The following ZNF540 variants were observed in gnomAD, a reference collection of about 807,000 sequenced individuals.
ZNF540 encodes CTD-3064H18.6.
ZNF540 carries 3 observed loss-of-function variants against 11.8 expected under a neutral mutation model. The ratio of observed to expected loss-of-function variants is 0.25; its 90% CI spans 0.12 to 0.65. ZNF540 has a LOEUF of 0.65. ZNF540 is among the 30% of genes least tolerant of loss of function. The pLI is 0.83. For missense variants in ZNF540, 709 were observed against 793.1 expected (o/e 0.89, Z 1.27); for synonymous variants, 247 against 259.0 (o/e 0.95, Z 0.45).
In ZNF540 at chr19:37,613,085, C is replaced by A. The variant is rs1057469976; in HGVS notation, c.1805C>A (p.Thr602Asn). 6.2e-7 allele frequency: 1 copy of A among 1,613,948 alleles called. No individual in the cohort carries two copies. Among genetic ancestry groups the A allele is most frequent in the Non-Finnish European group, 8.5e-7 (1 of 1,179,938 alleles). The change falls in exon 5 of 5, where the codon ACT becomes AAT. Residue 602 changes from threonine (T) to asparagine (N), a missense_variant. Thr to Asn is a moderately conservative substitution (Grantham distance 65). Coordinates refer to ENST00000316433, the MANE Select transcript of ZNF540 (RefSeq NM_001172225.3). ...VDLRIHQRIHTGEKPYECKQC... is the reference protein window; with the variant it reads ...VDLRIHQRIHNGEKPYECKQC... Reference sequence around the variant, plus strand: ...CTTAGAATACATCAAAGAATTCATACTGGTGAGAAACCCTATGAGTGTAAA... The same window carrying A: ...CTTAGAATACATCAAAGAATTCATAATGGTGAGAAACCCTATGAGTGTAAA...
chr19:37,563,998 AC>A (rs1446010849), intron 1 of ZNF540: 1 of 152,206 alleles, frequency 6.6e-6, no homozygotes, highest in Non-Finnish European at 1.5e-5. Flanking sequence ...AAACAAAACA[AC>A]AAAAAACAAC....
chr19:37,571,073 A>T (rs1239207238), intron 1 of ZNF540, among the ~76,000 whole-genome samples: 1 of 152,222 alleles, frequency 6.6e-6, no homozygotes, highest in Admixed American at 6.5e-5. Context: ...AGAATCACTC[A>T]TTGTGTATTC....
intron 1 of ZNF540, chr19:37,566,375 A>G: frequency 4.9e-6 from 7 of 1,442,594 alleles, no homozygotes; most frequent in Non-Finnish European, 6.5e-6. Flanking sequence ...AGATGAAAAT[A>G]ATTCTCATTA....
chr19:37,566,153 C>T (rs1476142402), intron 1 of ZNF540: 31 of 1,613,894 alleles, frequency 1.9e-5, no homozygotes, highest in African/African-American at 2.7e-5. Context: ...GTTGCCTTTG[C>T]ACTCCATATT....
intron 4 of ZNF540, among the ~76,000 whole-genome samples, chr19:37,605,392 G>A (rs1204605968): frequency 6.6e-6 from 1 of 152,184 alleles, no homozygotes; most frequent in Non-Finnish European, 1.5e-5. Flanking sequence ...GCTCATGCCT[G>A]TAATCCCAGC....
intron 3 of ZNF540, among the ~76,000 whole-genome samples, chr19:37,600,451 A>G (rs1271384277): frequency 6.6e-6 from 1 of 152,208 alleles, no homozygotes; most frequent in Non-Finnish European, 1.5e-5. Flanking sequence ...AAGAACCTAG[A>G]AATATTTTAG....
At chr19:37,584,298 T>C in intron 1 of ZNF540, 1 of 598,974 alleles carries the variant, frequency 1.7e-6, no homozygotes, top group Admixed American at 3.3e-5. Context: ...AACAATTCCA[T>C]TATCCAGAAA....
chr19:37,552,166 G>A (rs930827668), intron 1 of ZNF540, among the ~76,000 whole-genome samples: 1 of 152,156 alleles, frequency 6.6e-6, no homozygotes, highest in Non-Finnish European at 1.5e-5. Context: ...TTACTTAAAT[G>A]TGTGTTGCTT....
At chr19:37,593,761 G>A (rs2043936143), upstream of ZNF540, among the ~76,000 whole-genome samples, 1 of 152,034 alleles carries the variant, frequency 6.6e-6, no homozygotes, top group African/African-American at 2.4e-5. Context: ...GTATCATTGG[G>A]TGGAAAGGAG....
chr19:37,598,305 A>T, intron 1 of ZNF540, 71 bp from the exon 2 acceptor site: 1 of 759,208 alleles, frequency 1.3e-6, no homozygotes, highest in Non-Finnish European at 2.2e-6. Flanking sequence ...AAAGATTATT[A>T]ATTTATATCA....
Position 37,577,917 on chromosome 19 carries a change from T to A in ZNF540, c.-72-20459T>A, listed in dbSNP as rs76685998. Among the ~76,000 whole-genome samples the A allele has an allele frequency of 7.6e-4, 116 of 152,276 alleles. 1 individual carries two copies. In the East Asian group the frequency reaches 0.018, roughly 23 times the overall value. On this transcript the variant is annotated intron_variant, in intron 1 of 4. Coordinates refer to the ZNF540 transcript ENST00000592533. ...CCACAGACCGTACTGTTTGGCAGCC[T>A]GTGGGGAACCGAACTGCAGAGCAGG...
At chr19:37,577,538 T>C (rs2043284822) in intron 1 of ZNF540, among the ~76,000 whole-genome samples, 1 of 152,202 alleles carries the variant, frequency 6.6e-6, no homozygotes. Context: ...TAATCCTTTA[T>C]ACCTTTTATG....
At chr19:37,599,325 T>C (rs1014122554) in intron 2 of ZNF540, among the ~76,000 whole-genome samples, 1 of 152,216 alleles carries the variant, frequency 6.6e-6, no homozygotes, top group African/African-American at 2.4e-5. Flanking sequence ...TTTATTTGCT[T>C]GTATCCACTG....
chr19:37,604,711 T>C (rs1315626033), intron 4 of ZNF540, among the ~76,000 whole-genome samples: 1 of 152,204 alleles, frequency 6.6e-6, no homozygotes, highest in Non-Finnish European at 1.5e-5. Flanking sequence ...CACGTGAGTC[T>C]TGTAATCATC....
upstream of ZNF540, among the ~76,000 whole-genome samples, chr19:37,590,268 T>A (rs1452317341): frequency 6.6e-6 from 1 of 151,376 alleles, no homozygotes; most frequent in Non-Finnish European, 1.5e-5. Flanking sequence ...TAAAAAAAAA[T>A]TAGCTGGGCG....
intron 1 of ZNF540, among the ~76,000 whole-genome samples, chr19:37,572,016 AATTAGTACAT>A (rs796788410): frequency 6.6e-6 from 1 of 151,654 alleles, no homozygotes; most frequent in Non-Finnish European, 1.5e-5. Flanking sequence ...ATATGGCCAT[AATTAGTACAT>A]TAGTCCTATC....
chr19:37,572,858 C>A (rs2043111978), intron 1 of ZNF540, among the ~76,000 whole-genome samples: 1 of 152,172 alleles, frequency 6.6e-6, no homozygotes, highest in African/African-American at 2.4e-5. Flanking sequence ...TGCCACCAGC[C>A]TATTTCCAAC....
intron 1 of ZNF540, among the ~76,000 whole-genome samples, chr19:37,581,229 T>C (rs1001957055): frequency 2.6e-5 from 4 of 152,172 alleles, no homozygotes; most frequent in Non-Finnish European, 5.9e-5. Context: ...AAACATCATG[T>C]TTCCTACCCC....
chr19:37,566,553 T>G (rs993142525), intron 1 of ZNF540: 3 of 324,972 alleles, frequency 9.2e-6, no homozygotes, highest in Admixed American at 8.9e-5. Flanking sequence ...CCCAGGAGGC[T>G]TATAAAATAG....
Sources: gnomAD v4.1 joint callset for allele counts (sites outside exome capture counted in the v4.1 genomes callset) on GRCh38, gnomAD v4.1.1 for gene constraint, MANE v1.5 for transcripts, NCBI Gene and HGNC (gene_info 2026-07-23, HGNC 2026-07-21) for gene names.